Variants in DDX4 observed in about 807,000 individuals in gnomAD.
DDX4 encodes probable ATP-dependent RNA helicase DDX4.
DDX4 carries 25 observed loss-of-function variants against 100.0 expected under a neutral mutation model. The observed-to-expected ratio is 0.25, with a 90% CI of 0.18 to 0.35. DDX4 has a LOEUF of 0.35. Among genes scored for constraint, DDX4 ranks in the 10% least tolerant of loss-of-function variants. The pLI is 1.00. For missense variants in DDX4, 635 were observed against 882.4 expected (o/e 0.72, Z 3.55); for synonymous variants, 259 against 275.7 (o/e 0.94, Z 0.60).
At chr5:55,751,713 T>C (rs1308281821) in intron 3 of DDX4, among the ~76,000 whole-genome samples, 1 of 152,256 alleles carries the variant, frequency 6.6e-6, no homozygotes, top group African/African-American at 2.4e-5. Flanking sequence ...TCTTTCCTGA[T>C]TTAGACACTG....
intron 15 of DDX4, among the ~76,000 whole-genome samples, chr5:55,790,308 C>T (rs1428019435): frequency 6.6e-6 from 1 of 151,910 alleles, no homozygotes; most frequent in African/African-American, 2.4e-5. Flanking sequence ...CCATGCCTGG[C>T]CAATTTTTTG....
intron 3 of DDX4, among the ~76,000 whole-genome samples, chr5:55,747,924 C>T (rs1408657886): frequency 6.6e-6 from 1 of 152,152 alleles, no homozygotes; most frequent in Non-Finnish European, 1.5e-5. Context: ...TGAGGTAAAA[C>T]ATTTTATGGT....
intron 6 of DDX4, chr5:55,766,958 A>G (rs539132636): frequency 6.6e-7 from 1 of 1,525,166 alleles, no homozygotes; most frequent in East Asian, 2.5e-5. Flanking sequence ...TTTTTAACCA[A>G]CTCTCCAGGT....
intron 2 of DDX4, 45 bp downstream of exon 2, chr5:55,739,077 C>T (rs1444768534): frequency 8.4e-7 from 1 of 1,193,868 alleles, no homozygotes; most frequent in Non-Finnish European, 1.2e-6. Flanking sequence ...CGGATTTTAT[C>T]AAAGTTGAAA....
At chr5:55,738,785 TTTAGA>T (rs1369542139) in intron 1 of DDX4, among the ~76,000 whole-genome samples, 160 bp from the exon 2 acceptor site, 5 of 152,198 alleles carry the variant, frequency 3.3e-5, no homozygotes, top group African/African-American at 1.2e-4. Flanking sequence ...AAATGCCACC[TTTAGA>T]TAAGAAGAGA....
chr5:55,738,928 A>ATT (rs113491933), intron 1 of DDX4, 22 bp from the exon 2 acceptor site: 1,655 of 1,063,258 alleles, frequency 1.6e-3, no homozygotes, highest in African/African-American at 3.2e-3. Context: ...CCAAATGTGC[A>ATT]TTTTTTTTTT....
At chr5:55,814,316 G>T (rs1404861365) in intron 19 of DDX4, among the ~76,000 whole-genome samples, 2 of 152,146 alleles carry the variant, frequency 1.3e-5, no homozygotes, top group East Asian at 3.8e-4. Context: ...AATAGGATTT[G>T]ATTTTTGTCA....
rs530903390 is a variant in DDX4 at position 55,760,563 on chromosome 5, A to ATATTGAT, written c.205+288_205+294dup. ...AGAGCTGCTGCTTAATGTGTTTGTG[A>ATATTGAT]TATTGATTTCCAACAATTGATGTGG... On this transcript the variant is annotated intron_variant, in intron 4 of 21. Transcript: ENST00000505374. Among the ~76,000 whole-genome samples, 115 of 152,252 alleles carry ATATTGAT rather than the reference A, an allele frequency of 7.6e-4. No homozygotes were observed. The East Asian group carries it at 0.018, about 24-fold the overall frequency.
intron 10 of DDX4, 54 bp from the exon 11 acceptor site, chr5:55,785,243 G>T: frequency 8.1e-7 from 1 of 1,233,480 alleles, no homozygotes; most frequent in South Asian, 1.3e-5. Context: ...CGAAAATAAA[G>T]ATGTGCACAG....
At chr5:55,748,095 G>C (rs755912357) in intron 3 of DDX4, among the ~76,000 whole-genome samples, 11 of 152,118 alleles carry the variant, frequency 7.2e-5, no homozygotes, top group Admixed American at 1.3e-4. Context: ...CTTGACAAAA[G>C]TTAAGTTTAA....
chr5:55,815,568 A>T, intron 21 of DDX4, 145 bp downstream of exon 21: 1 of 1,198,378 alleles, frequency 8.3e-7, no homozygotes, highest in Non-Finnish European at 1.1e-6. Context: ...TTTCATTAAC[A>T]TTTTATGTAT....
At chr5:55,743,935 A>G (rs1314647331) in intron 2 of DDX4, among the ~76,000 whole-genome samples, 6 of 103,176 alleles carry the variant, frequency 5.8e-5, no homozygotes, top group African/African-American at 1.2e-4. Context: ...TTTTGCCTCT[A>G]TTCACTCTAT....
intron 18 of DDX4, among the ~76,000 whole-genome samples, chr5:55,809,098 G>T (rs1215192769): frequency 6.6e-6 from 1 of 152,218 alleles, no homozygotes; most frequent in East Asian, 1.9e-4. Flanking sequence ...GCTCCATGGG[G>T]GTAGGACCCT....
chr5:55,758,153 T>C (rs1273108872), intron 3 of DDX4, among the ~76,000 whole-genome samples: 3 of 152,248 alleles, frequency 2.0e-5, no homozygotes, highest in African/African-American at 7.2e-5. Flanking sequence ...TGTTAAGTCA[T>C]GAAAGGTGTT....
intron 3 of DDX4, among the ~76,000 whole-genome samples, chr5:55,752,789 C>T (rs1759650726): frequency 7.0e-6 from 1 of 143,684 alleles, no homozygotes; most frequent in Non-Finnish European, 1.5e-5. Context: ...AACTAGTTTA[C>T]AGTCCCACCA....
intron 18 of DDX4, among the ~76,000 whole-genome samples, chr5:55,809,946 T>A (rs934400281): frequency 3.3e-5 from 5 of 152,198 alleles, no homozygotes; most frequent in African/African-American, 1.2e-4. Context: ...CTTTATAGAA[T>A]TTTGAGCAGT....
chr5:55,738,845 G>C (rs1310842619), intron 1 of DDX4, 105 bp from the exon 2 acceptor site: 1 of 739,268 alleles, frequency 1.4e-6, no homozygotes, highest in Non-Finnish European at 2.3e-6. Flanking sequence ...TCAGCACCTA[G>C]TTGGGTAGTT....
intron 18 of DDX4, among the ~76,000 whole-genome samples, chr5:55,804,963 T>C (rs1182112528): frequency 1.3e-5 from 2 of 151,810 alleles, no homozygotes; most frequent in East Asian, 3.9e-4. Flanking sequence ...GAGCATGGAA[T>C]GTTCTTCCAT....
At chr5:55,809,623 A>G (rs1743988490) in intron 18 of DDX4, among the ~76,000 whole-genome samples, 1 of 152,236 alleles carries the variant, frequency 6.6e-6, no homozygotes, top group Non-Finnish European at 1.5e-5. Flanking sequence ...ACTCTGGGAA[A>G]GACTTACTTT....
Sources: gnomAD v4.1 joint callset for allele counts (sites outside exome capture counted in the v4.1 genomes callset) on GRCh38, gnomAD v4.1.1 for gene constraint, MANE v1.5 for transcripts, NCBI Gene and HGNC (gene_info 2026-07-23, HGNC 2026-07-21) for gene names.